The following PCDHA6 variants were observed in gnomAD, a reference collection of about 807,000 sequenced individuals.
PCDHA6 encodes the protein protocadherin alpha-6.
Under a neutral mutation model 60.3 loss-of-function variants are expected in PCDHA6, and 55 were observed. The ratio of observed to expected loss-of-function variants is 0.91; its 90% CI spans 0.73 to 1.14. PCDHA6 has a LOEUF of 1.14. Among genes scored for constraint, PCDHA6 ranks in the 50% most tolerant of loss-of-function variants. The pLI, the probability that PCDHA6 is intolerant of heterozygous loss-of-function variation, is 0.00. For synonymous variants in PCDHA6, 652 were observed against 557.9 expected, an observed-to-expected ratio of 1.17 and a Z score of -2.38; for missense variants, 1,327 against 1,256.5, an observed-to-expected ratio of 1.06 and a Z score of -0.85.
At chr5:140,886,827 GAAAAAAA>G (rs782016620) in intron 1 of PCDHA6, among the ~76,000 whole-genome samples, 7 of 60,890 alleles carry the variant, frequency 1.1e-4, no homozygotes, top group African/African-American at 4.2e-4. Context: ...ACTTCGTCTT[GAAAAAAA>G]AAAAAAAAAA....
chr5:140,977,245 AC>A (rs2096751811), intron 1 of PCDHA6, among the ~76,000 whole-genome samples: 1 of 152,212 alleles, frequency 6.6e-6, no homozygotes, highest in Non-Finnish European at 1.5e-5. Context: ...AAAATTGGCA[AC>A]ATTTCTCAGC....
chr5:140,884,872 T>C (rs1427684688), intron 1 of PCDHA6, among the ~76,000 whole-genome samples: 1 of 152,216 alleles, frequency 6.6e-6, no homozygotes, highest in African/African-American at 2.4e-5. Context: ...CATAATGAAA[T>C]GTGCAAAACA....
At chr5:140,882,392 G>C (rs781850899) in intron 1 of PCDHA6, 4 of 1,614,178 alleles carry the variant, frequency 2.5e-6, no homozygotes, top group South Asian at 1.1e-5. Flanking sequence ...AGCAAAACAC[G>C]GCACCTTCGT....
chr5:140,858,159 C>T lies in PCDHA6; in HGVS notation c.2394+27674C>T, dbSNP rs782574934. The T allele has an allele frequency of 3.8e-6, 6 of 1,597,644 alleles. No homozygotes were observed. In the Admixed American group the frequency reaches 5.1e-5, roughly 13 times the overall value. On this transcript the variant is annotated intron_variant, in intron 1 of 3. Coordinates refer to ENST00000529310, the MANE Select transcript of PCDHA6 (RefSeq NM_018909.4). ...GTGTACCTGATCATCGCCATCTGCG[C>T]GGTGTCCAGCTTGCTGGTGCTCACG...
At chr5:140,836,372 C>T (rs2150258931) in intron 1 of PCDHA6, 5 of 1,613,738 alleles carry the variant, frequency 3.1e-6, no homozygotes, top group East Asian at 4.5e-5. Flanking sequence ...CAGCCACAGC[C>T]ACCGTGCTGG....
chr5:140,842,435 A>G (rs2150336163), intron 1 of PCDHA6: 10 of 1,613,586 alleles, frequency 6.2e-6, no homozygotes, highest in Admixed American at 5.0e-5. Context: ...CATCGCCCTA[A>G]TTAGCGTGAA....
chr5:140,833,685 T>C (rs1301344321), intron 1 of PCDHA6, among the ~76,000 whole-genome samples: 2 of 152,124 alleles, frequency 1.3e-5, no homozygotes, highest in South Asian at 2.1e-4. Context: ...CCAAACCTTC[T>C]CTTATTTTGT....
intron 1 of PCDHA6, among the ~76,000 whole-genome samples, chr5:140,891,886 G>A (rs1554184992): frequency 1.3e-5 from 2 of 152,186 alleles, no homozygotes; most frequent in East Asian, 1.9e-4. Context: ...GTCATGTGAC[G>A]ATGCAGCAAG....
At chr5:140,841,153 T>C in intron 1 of PCDHA6, 1 of 819,712 alleles carries the variant, frequency 1.2e-6, no homozygotes, top group East Asian at 2.7e-5. Flanking sequence ...TGTCGCTGTC[T>C]ACCAAGAAGT....
chr5:140,857,727 AC>A, intron 1 of PCDHA6: 1 of 1,597,294 alleles, frequency 6.3e-7, no homozygotes, highest in Non-Finnish European at 8.6e-7. Context: ...GAGAACGACA[AC>A]GCTCCCGCGC....
At chr5:140,955,155 C>T (rs1241099289) in intron 1 of PCDHA6, among the ~76,000 whole-genome samples, 1 of 152,088 alleles carries the variant, frequency 6.6e-6, no homozygotes, top group Non-Finnish European at 1.5e-5. Context: ...GTACCAGTAC[C>T]GTGCTGTTTT....
rs186780543 is a variant in PCDHA6, at chr5:140,848,623, C to T, written c.2394+18138C>T. On this transcript the variant is annotated intron_variant, in intron 1 of 3. Transcript: ENST00000529310. The stretch of plus-strand genomic sequence containing the variant: ...GTCCCGGAGGAAGCCGAACACGGCA[C>T]CTTCGTGGGCCGCATCGCGCAGGAC... The T allele has an allele frequency of 1.0e-5, 16 of 1,592,746 alleles. 2 individuals carry two copies. The Admixed American group carries it at 1.5e-4, about 15-fold the overall frequency.
intron 1 of PCDHA6, among the ~76,000 whole-genome samples, chr5:140,833,579 G>A (rs1397865134): frequency 6.6e-6 from 1 of 152,168 alleles, no homozygotes; most frequent in East Asian, 1.9e-4. Context: ...ATGAACTCCT[G>A]AAACAGTATA....
At chr5:140,863,413 T>C (rs1581689381) in intron 1 of PCDHA6, 1 of 735,446 alleles carries the variant, frequency 1.4e-6, no homozygotes, top group Non-Finnish European at 2.3e-6. Flanking sequence ...CACGCTGGTG[T>C]ACCGCAGCGT....
intron 3 of PCDHA6, among the ~76,000 whole-genome samples, chr5:140,998,018 G>A (rs575495303): frequency 2.0e-5 from 3 of 152,170 alleles, no homozygotes; most frequent in Admixed American, 6.5e-5. Flanking sequence ...TCCCCACCTC[G>A]AGCTAGTGCT....
At chr5:141,005,313 T>C (rs1157761147) in intron 3 of PCDHA6, among the ~76,000 whole-genome samples, 1 of 151,958 alleles carries the variant, frequency 6.6e-6, no homozygotes, top group Non-Finnish European at 1.5e-5. Flanking sequence ...AATCTTACAG[T>C]GGTAGAGAAT....
At chr5:140,927,200 AC>A in intron 1 of PCDHA6, 1 of 1,614,014 alleles carries the variant, frequency 6.2e-7, no homozygotes, top group Non-Finnish European at 8.5e-7. Context: ...GTGCTCGAGG[AC>A]CCGCTGGAGC....
intron 1 of PCDHA6, among the ~76,000 whole-genome samples, chr5:140,954,068 G>A (rs1404063517): frequency 6.6e-6 from 1 of 152,174 alleles, no homozygotes; most frequent in South Asian, 2.1e-4. Context: ...TTATGCTGAG[G>A]ATAATGGCTT....
intron 1 of PCDHA6, among the ~76,000 whole-genome samples, chr5:140,952,792 T>C (rs2094798499): frequency 6.6e-6 from 1 of 152,210 alleles, no homozygotes; most frequent in African/African-American, 2.4e-5. Flanking sequence ...GAGGTTTAAC[T>C]GGCTCGCAGT....
Sources: gnomAD v4.1 joint callset for allele counts (sites outside exome capture counted in the v4.1 genomes callset) on GRCh38, gnomAD v4.1.1 for gene constraint, MANE v1.5 for transcripts, NCBI Gene and HGNC (gene_info 2026-07-23, HGNC 2026-07-21) for gene names.